LRRC4C: variants seen among roughly 807,000 people sequenced by gnomAD.
The protein encoded by LRRC4C is leucine-rich repeat-containing protein 4C.
In LRRC4C, 5 loss-of-function variants were observed where a neutral mutation model predicts 33.6. The observed-to-expected ratio is 0.15, with a 90% CI of 0.08 to 0.31. The LOEUF (loss-of-function observed/expected upper bound fraction) is 0.31. Among genes scored for constraint, LRRC4C ranks in the 10% least tolerant of loss-of-function variants. LRRC4C has a pLI of 1.00. For missense variants in LRRC4C, 560 were observed against 796.7 expected (o/e 0.70, Z 3.58); for synonymous variants, 329 against 302.0 (o/e 1.09, Z -0.93).
At chr11:40,909,081 A>G (rs1047848766) in intron 2 of LRRC4C, among the ~76,000 whole-genome samples, 13 of 152,138 alleles carry the variant, frequency 8.5e-5, no homozygotes, top group Non-Finnish European at 4.4e-5. Context: ...TCTTTATATA[A>G]CAGACATTTA....
At chr11:40,603,286 G>A (rs1349806608) in intron 3 of LRRC4C, among the ~76,000 whole-genome samples, 2 of 152,204 alleles carry the variant, frequency 1.3e-5, no homozygotes, top group Non-Finnish European at 2.9e-5. Context: ...AGATTGATGT[G>A]TGAGTTGAAG....
At chr11:40,552,418 A>G (rs1269468198) in intron 3 of LRRC4C, among the ~76,000 whole-genome samples, 3 of 152,212 alleles carry the variant, frequency 2.0e-5, no homozygotes, top group Non-Finnish European at 4.4e-5. Context: ...TCAAAGCCCA[A>G]TGGAAGCAGA....
chr11:40,637,296 G>A (rs769597590), intron 3 of LRRC4C, among the ~76,000 whole-genome samples: 9 of 152,004 alleles, frequency 5.9e-5, no homozygotes, highest in African/African-American at 2.2e-4. Context: ...AGGCTTCAAC[G>A]TCCACCAATT....
At chr11:40,201,659 T>A (rs1862763055) in intron 5 of LRRC4C, among the ~76,000 whole-genome samples, 1 of 152,118 alleles carries the variant, frequency 6.6e-6, no homozygotes, top group African/African-American at 2.4e-5. Flanking sequence ...AGAACTCCCA[T>A]AAGAACTCAG....
intron 1 of LRRC4C, among the ~76,000 whole-genome samples, chr11:41,315,558 G>T (rs146330363): frequency 1.0e-3 from 158 of 152,282 alleles, no homozygotes; most frequent in East Asian, 4.8e-3. Flanking sequence ...CGCCTTAGAA[G>T]TGAGTTCTCC....
chr11:40,547,154 A>T (rs1431835264), intron 3 of LRRC4C, among the ~76,000 whole-genome samples: 2 of 152,144 alleles, frequency 1.3e-5, no homozygotes, highest in African/African-American at 4.8e-5. Context: ...CCCCAGGGCC[A>T]TATCAGCCAA....
At chr11:40,623,265 A>G (rs1451437214) in intron 3 of LRRC4C, among the ~76,000 whole-genome samples, 1 of 151,856 alleles carries the variant, frequency 6.6e-6, no homozygotes, top group East Asian at 1.9e-4. Context: ...AACCTCAAAA[A>G]CCTTTTTTAA....
chr11:41,427,445 T>G (rs888744324), intron 1 of LRRC4C, among the ~76,000 whole-genome samples: 20 of 152,122 alleles, frequency 1.3e-4, no homozygotes, highest in African/African-American at 4.6e-4. Flanking sequence ...GACCATAAAA[T>G]GTGCTTTCCA....
chr11:40,385,627 G>C (rs1413875339), intron 3 of LRRC4C, among the ~76,000 whole-genome samples: 1 of 152,026 alleles, frequency 6.6e-6, no homozygotes, highest in African/African-American at 2.4e-5. Flanking sequence ...CCAGCACTTT[G>C]GGAGGCCGAG....
At chr11:40,401,771 A>G (rs751474246) in intron 3 of LRRC4C, among the ~76,000 whole-genome samples, 15 of 152,134 alleles carry the variant, frequency 9.9e-5, no homozygotes, top group Non-Finnish European at 1.8e-4. Context: ...ATCCTTTAGT[A>G]TATGAGGATG....
chr11:40,531,993 A>G (rs1208253001), intron 3 of LRRC4C, among the ~76,000 whole-genome samples: 2 of 147,398 alleles, frequency 1.4e-5, no homozygotes, highest in Admixed American at 1.4e-4. Flanking sequence ...ATATTTATAG[A>G]GCATCTAGTA....
intron 4 of LRRC4C, among the ~76,000 whole-genome samples, chr11:40,315,327 G>T (rs1945523125): frequency 6.6e-6 from 1 of 151,720 alleles, no homozygotes; most frequent in Admixed American, 6.6e-5. Context: ...AATAGCTTTT[G>T]CTTAGTTTGC....
At chr11:40,971,337 C>A (rs1005841063) in intron 1 of LRRC4C, among the ~76,000 whole-genome samples, 1 of 152,228 alleles carries the variant, frequency 6.6e-6, no homozygotes, top group Non-Finnish European at 1.5e-5. Flanking sequence ...ACTCCAGCTC[C>A]AGCCATGGGT....
intron 1 of LRRC4C, among the ~76,000 whole-genome samples, chr11:41,241,196 A>G (rs1264053399): frequency 2.0e-5 from 3 of 152,162 alleles, no homozygotes; most frequent in Non-Finnish European, 4.4e-5. Flanking sequence ...TGAAAGCGTT[A>G]TTCAAATGCT....
intron 1 of LRRC4C, among the ~76,000 whole-genome samples, chr11:41,077,979 A>G (rs987772762): frequency 1.3e-5 from 2 of 152,110 alleles, no homozygotes; most frequent in African/African-American, 2.4e-5. Flanking sequence ...CATCTCTCTC[A>G]AGTTCAAAGT....
At chr11:40,480,414 G>T (rs977655036) in intron 3 of LRRC4C, among the ~76,000 whole-genome samples, 19 of 151,754 alleles carry the variant, frequency 1.3e-4, no homozygotes, top group African/African-American at 4.6e-4. Flanking sequence ...TCATTTAAAA[G>T]TGGGAGCTGA....
intron 5 of LRRC4C, among the ~76,000 whole-genome samples, chr11:40,212,532 G>A (rs1264955820): frequency 1.3e-5 from 2 of 151,074 alleles, no homozygotes; most frequent in Non-Finnish European, 2.9e-5. Flanking sequence ...AATTATAAAT[G>A]AAATGTTATA....
chr11:40,886,306 C>G (rs1315107297), intron 2 of LRRC4C, among the ~76,000 whole-genome samples: 2 of 151,524 alleles, frequency 1.3e-5, no homozygotes, highest in Non-Finnish European at 2.9e-5. Context: ...CTAAAATAAC[C>G]TGAATATCTA....
chr11:40,965,586 T>C (rs529469839), intron 1 of LRRC4C, among the ~76,000 whole-genome samples: 2 of 152,298 alleles, frequency 1.3e-5, no homozygotes, highest in South Asian at 2.1e-4. Flanking sequence ...TTTCCACATA[T>C]GGCTAGCCAG....
Sources: gnomAD v4.1 joint callset for allele counts (sites outside exome capture counted in the v4.1 genomes callset) on GRCh38, gnomAD v4.1.1 for gene constraint, MANE v1.5 for transcripts, NCBI Gene and HGNC (gene_info 2026-07-23, HGNC 2026-07-21) for gene names.